Variants in KMT2C observed in about 807,000 individuals in gnomAD.
KMT2C encodes the protein histone-lysine N-methyltransferase 2C.
KMT2C carries 88 observed loss-of-function variants against 507.9 expected under a neutral mutation model. The ratio of observed to expected loss-of-function variants is 0.17; its 90% CI spans 0.15 to 0.21. The LOEUF (loss-of-function observed/expected upper bound fraction) is 0.21. Among genes scored for constraint, KMT2C ranks in the 10% least tolerant of loss-of-function variants. The pLI is 1.00. For synonymous variants in KMT2C, 2,049 were observed against 2,080.8 expected, an observed-to-expected ratio of 0.98 and a Z score of 0.42; for missense variants, 4,954 against 5,957.8, an observed-to-expected ratio of 0.83 and a Z score of 5.55.
chr7:152,151,372 G>A (rs1199954111), intron 50 of KMT2C, 70 bp downstream of exon 50: 2 of 1,512,794 alleles, frequency 1.3e-6, no homozygotes, highest in Non-Finnish European at 1.8e-6. Flanking sequence ...CTCTGATGTT[G>A]GAAGAGACAC....
At chr7:152,236,628 C>G (rs2095280436) in intron 15 of KMT2C, among the ~76,000 whole-genome samples, 1 of 152,152 alleles carries the variant, frequency 6.6e-6, no homozygotes, top group Non-Finnish European at 1.5e-5. Context: ...TTCAACAGTT[C>G]TCTTATGAAC....
chr7:152,331,607 T>TCAACAACAACAA lies in KMT2C; in HGVS notation c.251-880_251-869dup, dbSNP rs368990623. On this transcript the variant is annotated intron_variant, in intron 2 of 58. Coordinates refer to ENST00000262189, the MANE Select transcript of KMT2C (RefSeq NM_170606.3). The stretch of plus-strand genomic sequence containing the variant: ...CTAAGCAACACATCTAGATCCTACC[T>TCAACAACAACAA]CAACAACAACAACAACAACAACAAC... Among the ~76,000 whole-genome samples the TCAACAACAACAA allele has an allele frequency of 1.7e-4, 23 of 134,308 alleles. No individual in the cohort carries two copies. The East Asian group carries it at 3.8e-3, about 22-fold the overall frequency. 88.1% of individuals were successfully genotyped at this position (134,308 alleles called of 152,430 possible). A position where few individuals can be genotyped will look rare whatever the true frequency, so the allele number is the denominator to read the frequency against.
At chr7:152,329,067 A>G (rs946650460) in intron 3 of KMT2C, among the ~76,000 whole-genome samples, 9 of 152,084 alleles carry the variant, frequency 5.9e-5, no homozygotes, top group African/African-American at 2.2e-4. Context: ...TGAGACTCTT[A>G]AGGGCACACA....
Position 152,183,048 on chromosome 7 carries a change from T to C in KMT2C, c.5191A>G (p.Ile1731Val), listed in dbSNP as rs755794043. The C allele has an allele frequency of 3.7e-6, 6 of 1,612,702 alleles. No homozygotes were observed. The South Asian group carries it at 6.6e-5, about 18-fold the overall frequency. ...QQDSIDPSSR[I>V]DSELFKDPLK... is the part of the protein sequence containing the mutation. ...GGATCTTTAAAAAGCTCCGAATCAA[T>C]ACGAGAGCTGGGATCAATGCTATCT... Residue 1731 changes from isoleucine to valine, a missense_variant, in exon 35 of 59, where the codon ATT becomes GTT. Around this residue, in one of 29 missense-constraint regions of KMT2C, gnomAD observed 58 missense variants for 63.3 expected, o/e 0.92. Transcript: ENST00000262189.
At chr7:152,215,688 T>TATATATATATACACACACACAC (rs766518165) in intron 23 of KMT2C, among the ~76,000 whole-genome samples, 3 of 134,432 alleles carry the variant, frequency 2.2e-5, no homozygotes, top group African/African-American at 6.8e-5. Flanking sequence ...TATATATATA[T>TATATATATATACACACACACAC]ACACACACAC....
chr7:152,142,901 A>G, intron 55 of KMT2C, among the ~76,000 whole-genome samples: 1 of 152,236 alleles, frequency 6.6e-6, no homozygotes, highest in East Asian at 1.9e-4. Context: ...GCACAGAAAA[A>G]CAGGATACAT....
chr7:152,363,053 T>A (rs2097209593), intron 1 of KMT2C, among the ~76,000 whole-genome samples: 1 of 152,190 alleles, frequency 6.6e-6, no homozygotes, highest in South Asian at 2.1e-4. Flanking sequence ...AACACTATAT[T>A]CTGAATGCAA....
chr7:152,335,541 C>T (rs1483862968), intron 2 of KMT2C, among the ~76,000 whole-genome samples: 2 of 152,206 alleles, frequency 1.3e-5, no homozygotes, highest in Non-Finnish European at 2.9e-5. Context: ...CACTCCCAAG[C>T]TGTGCTCTCT....
At chr7:152,151,883 G>A (rs575036337) in intron 49 of KMT2C, among the ~76,000 whole-genome samples, 2 of 152,340 alleles carry the variant, frequency 1.3e-5, no homozygotes, top group East Asian at 3.9e-4. Flanking sequence ...AAGTAAGACA[G>A]AGAGGGAAAC....
intron 6 of KMT2C, among the ~76,000 whole-genome samples, chr7:152,281,885 C>T (rs1310306247): frequency 6.6e-6 from 1 of 152,096 alleles, no homozygotes; most frequent in East Asian, 1.9e-4. Flanking sequence ...AGGAACTGAA[C>T]TCAAGGAGTT....
intron 55 of KMT2C, among the ~76,000 whole-genome samples, chr7:152,143,324 G>C (rs2090780571): frequency 6.6e-6 from 1 of 152,168 alleles, no homozygotes; most frequent in Non-Finnish European, 1.5e-5. Context: ...AAATAGACAA[G>C]AAAGATTAGC....
At chr7:152,389,399 TG>T (rs1022521517) in intron 1 of KMT2C, among the ~76,000 whole-genome samples, 1 of 151,230 alleles carries the variant, frequency 6.6e-6, no homozygotes, top group Non-Finnish European at 1.5e-5. Flanking sequence ...ACTCAGTTTG[TG>T]GTATTTTGTT....
intron 1 of KMT2C, among the ~76,000 whole-genome samples, chr7:152,431,203 A>AT (rs1275534928): frequency 1.3e-5 from 2 of 151,784 alleles, no homozygotes; most frequent in African/African-American, 4.8e-5. Flanking sequence ...CAATATGTAA[A>AT]TTGGTAAGTT....
At chr7:152,216,838 A>T (rs1330715836) in intron 23 of KMT2C, among the ~76,000 whole-genome samples, 4 of 152,220 alleles carry the variant, frequency 2.6e-5, no homozygotes. Flanking sequence ...TGTTGGACAC[A>T]AGACACAATT....
In KMT2C at chr7:152,136,756, C is replaced by T; in HGVS notation, c.*76G>A. On this transcript the variant is annotated 3_prime_UTR_variant, in exon 59 of 59. Coordinates refer to ENST00000262189, the MANE Select transcript of KMT2C (RefSeq NM_170606.3). Reference sequence around the variant, plus strand: ...ACAGAAAACAAAAATCTCTTTCTGTCTGCAAAATTCCAATGGTGTGTTGAA... The same window carrying T: ...ACAGAAAACAAAAATCTCTTTCTGTTTGCAAAATTCCAATGGTGTGTTGAA... 9.7e-7 allele frequency: 1 copy of T among 1,032,358 alleles called. No individual in the cohort carries two copies. The highest frequency in any genetic ancestry group is 1.5e-6 in the Non-Finnish European group (1 of 659,548). 63.9% of individuals were successfully genotyped at this position (1,032,358 alleles called of 1,614,324 possible).
At position 152,293,154 on chromosome 7, in the gene KMT2C, C is replaced by G. The variant is rs79063619; in HGVS notation, c.849+16812G>C. 5.4e-3 allele frequency among the ~76,000 whole-genome samples: 824 copies of G among 152,206 alleles called. 7 individuals are homozygous for G. The highest frequency in any genetic ancestry group is 8.8e-3 in the Non-Finnish European group (600 of 68,004). On this transcript the variant is annotated intron_variant, in intron 6 of 58. Transcript: ENST00000262189. Reference sequence around the variant, plus strand: ...CACAAAGAATAAAACAGAGAACCTACCAACAATCTAAAATACATTGAACGT... The same window carrying G: ...CACAAAGAATAAAACAGAGAACCTAGCAACAATCTAAAATACATTGAACGT...
intron 6 of KMT2C, among the ~76,000 whole-genome samples, chr7:152,282,529 A>G (rs2096236861): frequency 6.6e-6 from 1 of 152,252 alleles, no homozygotes; most frequent in Non-Finnish European, 1.5e-5. Context: ...GGAAGGAACA[A>G]TTTGGATTTA....
chr7:152,169,047 G>C (rs1273456742), intron 41 of KMT2C, 139 bp downstream of exon 41: 2 of 556,822 alleles, frequency 3.6e-6, no homozygotes, highest in African/African-American at 3.8e-5. Context: ...TTGCCTAATA[G>C]GGCAGTGATG....
chr7:152,250,938 G>A lies in KMT2C; in HGVS notation c.1650C>T (p.Gly550=), dbSNP rs140799698. ...CTGAGAATACCATTTGATCTTCAGGGCCTTCAACTTCCATTTCATTGTTAT... is the reference window on the plus strand; with the variant it reads ...CTGAGAATACCATTTGATCTTCAGGACCTTCAACTTCCATTTCATTGTTAT... ...TDYNNEMEVE[G]PEDQMVFSEQ... is the part of the protein sequence containing the mutation. Residue 550 remains glycine (G), a synonymous_variant, in exon 12 of 59, where the codon GGC becomes GGT. Coordinates refer to ENST00000262189, the MANE Select transcript of KMT2C (RefSeq NM_170606.3). 2.5e-6 allele frequency: 4 copies of A among 1,604,232 alleles called. No individual in the cohort carries two copies. In the East Asian group the frequency reaches 8.9e-5, roughly 36 times the overall value.
Sources: allele counts gnomAD v4.1 joint callset (sites outside exome capture counted in the v4.1 genomes callset), GRCh38; gene constraint gnomAD v4.1.1; regional missense constraint gnomAD v4.1.1; transcripts MANE v1.5; gene names NCBI Gene and HGNC (gene_info 2026-07-23, HGNC 2026-07-21).